The following IGF2R variants were observed in gnomAD, a reference collection of about 807,000 sequenced individuals.
IGF2R encodes the protein cation-independent mannose-6-phosphate receptor.
IGF2R carries 91 observed loss-of-function variants against 270.6 expected under a neutral mutation model. The ratio of observed to expected loss-of-function variants is 0.34; its 90% CI spans 0.28 to 0.40. IGF2R has a LOEUF of 0.40. Among genes scored for constraint, IGF2R ranks in the 10% least tolerant of loss-of-function variants. IGF2R has a pLI of 1.00. For synonymous variants in IGF2R, 1,316 were observed against 1,258.9 expected, an observed-to-expected ratio of 1.05 and a Z score of -0.96; for missense variants, 2,805 against 3,188.3, an observed-to-expected ratio of 0.88 and a Z score of 2.90.
At chr6:160,039,139 A>G (rs1777887058) in intron 10 of IGF2R, among the ~76,000 whole-genome samples, 1 of 152,224 alleles carries the variant, frequency 6.6e-6, no homozygotes, top group African/African-American at 2.4e-5. Context: ...AACATCATAG[A>G]GTGTACTTAA....
In IGF2R at chr6:160,089,116, C is replaced by A; in HGVS notation, c.6330C>A (p.Ile2110=). Residue 2110 remains isoleucine (I), a synonymous_variant, in exon 43 of 48, where the codon ATC becomes ATA. Coordinates refer to ENST00000356956, the MANE Select transcript of IGF2R (RefSeq NM_000876.4). ...GCTTCCCTCCTCCTAGGTTTGATAT[C>A]GACAGCTGCACTTACTACTTCAGCT... The part of the protein sequence containing the change: ...VGRPAFKRFD[I]DSCTYYFSWD... The A allele has an allele frequency of 6.2e-7, 1 of 1,613,146 alleles. No homozygotes were observed.
At chr6:159,983,877 A>G (rs1583241630) in intron 1 of IGF2R, among the ~76,000 whole-genome samples, 3 of 152,320 alleles carry the variant, frequency 2.0e-5, no homozygotes, top group African/African-American at 7.2e-5. Context: ...GGGACTTGAT[A>G]TTATTTCCAT....
intron 9 of IGF2R, among the ~76,000 whole-genome samples, chr6:160,033,345 C>T (rs981288347): frequency 6.6e-6 from 1 of 152,204 alleles, no homozygotes; most frequent in African/African-American, 2.4e-5. Flanking sequence ...CCATGTTGCC[C>T]ACGCTGATCT....
At chr6:159,991,113 A>T in intron 1 of IGF2R, 71 bp from the exon 2 acceptor site, 2 of 1,438,940 alleles carry the variant, frequency 1.4e-6, no homozygotes, top group East Asian at 2.3e-5. Context: ...ATGTGGCTTG[A>T]ATAAAACTAG....
chr6:160,034,435 C>T lies in IGF2R; in HGVS notation c.1228C>T (p.Leu410Phe), dbSNP rs1179906959. The change falls in exon 10 of 48, where the codon CTC becomes TTC. Residue 410 changes from leucine to phenylalanine, a missense_variant. By Grantham distance (22) the Leu-to-Phe change is conservative. Transcript: ENST00000356956. ...NQTLRYSDGD[L>F]TLIYFGGDEC... The stretch of plus-strand genomic sequence containing the variant: ...AAAATCTAGATATTCGGATGGAGAC[C>T]TCACCTTGATATATTTTGGAGGTGA... 1 of 1,601,478 alleles carries T rather than the reference C, an allele frequency of 6.2e-7. No homozygotes were observed.
chr6:160,055,026 G>A lies in IGF2R; in HGVS notation c.2695-1398G>A, dbSNP rs141174530. 1.2e-3 allele frequency among the ~76,000 whole-genome samples: 178 copies of A among 152,172 alleles called. 1 individual carries two copies. Among genetic ancestry groups the A allele is most frequent in the Middle Eastern group, 6.8e-3 (2 of 294 alleles). ...CACTTCCTTTAGAGTTGAAGATCTCGGTGATCAGGGAATGAATGACGGGCA... is the reference window on the plus strand; with the variant it reads ...CACTTCCTTTAGAGTTGAAGATCTCAGTGATCAGGGAATGAATGACGGGCA... On this transcript the variant is annotated intron_variant, in intron 19 of 47. Coordinates refer to ENST00000356956, the MANE Select transcript of IGF2R (RefSeq NM_000876.4).
chr6:160,023,022 T>C (rs911769406), intron 4 of IGF2R, among the ~76,000 whole-genome samples: 1 of 152,032 alleles, frequency 6.6e-6, no homozygotes, highest in Non-Finnish European at 1.5e-5. Flanking sequence ...TCCTTCTCAG[T>C]GTAATGGGAA....
chr6:160,102,273 G>T lies in IGF2R; in HGVS notation c.6843-246G>T, dbSNP rs903426186. 1.3e-5 allele frequency among the ~76,000 whole-genome samples: 2 copies of T among 152,224 alleles called. No individual in the cohort carries two copies. The highest frequency in any genetic ancestry group is 4.8e-5 in the African/African-American group (2 of 41,448). ...GTGTTTGGGTGAATGATAGTTCATG[G>T]AGCTGGAAGCAGTGCCTTCTTGTCT... is the stretch of plus-strand genomic sequence containing the variant. On this transcript the variant is annotated intron_variant, in intron 45 of 47. Coordinates refer to ENST00000356956, the MANE Select transcript of IGF2R (RefSeq NM_000876.4). The surrounding 1 kb of genome is among the most constrained non-coding windows in gnomAD (Gnocchi z 4.5).
At chr6:160,042,899 G>A (rs1302790099) in intron 11 of IGF2R, among the ~76,000 whole-genome samples, 1 of 152,058 alleles carries the variant, frequency 6.6e-6, no homozygotes, top group Non-Finnish European at 1.5e-5. Context: ...CTGTCCCCCA[G>A]TTGGGCCTAC....
At chr6:160,095,486 C>T (rs953918679) in intron 44 of IGF2R, 3 of 152,234 alleles carry the variant, frequency 2.0e-5, no homozygotes, top group African/African-American at 7.2e-5. Flanking sequence ...ATGAATTTTA[C>T]ACTTGGCAAA....
chr6:160,062,686 CT>C, intron 26 of IGF2R, 67 bp downstream of exon 26: 1 of 1,133,744 alleles, frequency 8.8e-7, no homozygotes, highest in Non-Finnish European at 1.3e-6. Flanking sequence ...TGAACGATGC[CT>C]TAGATATGAG....
intron 29 of IGF2R, among the ~76,000 whole-genome samples, chr6:160,066,975 A>G (rs1396546018): frequency 1.3e-5 from 2 of 152,140 alleles, no homozygotes; most frequent in Non-Finnish European, 2.9e-5. Context: ...GTCCCTTGTC[A>G]CACGTTTGGT....
At chr6:160,043,760 A>C (rs1429709798) in intron 12 of IGF2R, among the ~76,000 whole-genome samples, 1 of 152,178 alleles carries the variant, frequency 6.6e-6, no homozygotes, top group Non-Finnish European at 1.5e-5. Flanking sequence ...TCATGCAGAG[A>C]CTTCTCAATT....
At chr6:159,992,618 A>G (rs1212650414) in intron 2 of IGF2R, among the ~76,000 whole-genome samples, 2 of 152,040 alleles carry the variant, frequency 1.3e-5, no homozygotes, top group African/African-American at 4.8e-5. Flanking sequence ...ACACACACAC[A>G]CACACACACA....
In IGF2R at chr6:160,056,491, C is replaced by T. The variant is rs1391626212; in HGVS notation, c.2762C>T (p.Ala921Val). ...VVSFLWNTEA[A>V]CPIQTTTDTD... ...AGTTTCCTGTGGAACACAGAGGCTG[C>T]CTGTCCCATTCAGACAACGACGGAT... The change falls in exon 20 of 48, where the codon GCC becomes GTC. Residue 921 changes from alanine (A) to valine (V), a missense_variant. By Grantham distance (64) the Ala-to-Val change is moderately conservative. Around this residue, in one of 2 missense-constraint regions of IGF2R, gnomAD observed 1,851 missense variants for 2,207.2 expected, o/e 0.84. Transcript: ENST00000356956. 2 of 1,613,724 alleles carry T rather than the reference C, an allele frequency of 1.2e-6. No individual in the cohort carries two copies. Among genetic ancestry groups the T allele is most frequent in the African/African-American group, 1.3e-5 (1 of 74,928 alleles).
chr6:159,984,641 C>G (rs1191890607), intron 1 of IGF2R, among the ~76,000 whole-genome samples: 1 of 152,118 alleles, frequency 6.6e-6, no homozygotes, highest in East Asian at 1.9e-4. Flanking sequence ...ACCATATAGC[C>G]TAGGTTTGTA....
intron 1 of IGF2R, among the ~76,000 whole-genome samples, chr6:159,973,780 T>C (rs1783648224): frequency 6.6e-6 from 1 of 152,184 alleles, no homozygotes; most frequent in Admixed American, 6.5e-5. Flanking sequence ...CAGCATTTCA[T>C]AGAGAGAGGG....
intron 4 of IGF2R, among the ~76,000 whole-genome samples, chr6:160,015,724 C>T (rs1777275292): frequency 6.6e-6 from 1 of 152,154 alleles, no homozygotes; most frequent in South Asian, 2.1e-4. Context: ...CCCCAAATCT[C>T]ACATTGAATT....
Position 160,047,179 on chromosome 6 carries a change from T to G in IGF2R, c.2072T>G (p.Leu691Trp), listed in dbSNP as rs1562356324. The change falls in exon 16 of 48, where the codon TTG becomes TGG. Residue 691 changes from leucine to tryptophan, a missense_variant. Leu to Trp is a moderately conservative substitution (Grantham distance 61). Coordinates refer to ENST00000356956, the MANE Select transcript of IGF2R (RefSeq NM_000876.4). ...TTCAGTGATGAGAAGACTTGGAACT[T>G]GGGTCTGAGTAATGCGAAGCTTTCA... ...VAKSDEKTWN[L>W]GLSNAKLSYY... is the part of the protein sequence containing the mutation. 3 of 1,614,104 alleles carry G rather than the reference T, an allele frequency of 1.9e-6. No individual in the cohort carries two copies. The highest frequency in any genetic ancestry group is 2.5e-6 in the Non-Finnish European group (3 of 1,180,026).
Sources: allele counts gnomAD v4.1 joint callset (sites outside exome capture counted in the v4.1 genomes callset), GRCh38; gene constraint gnomAD v4.1.1; regional missense constraint gnomAD v4.1.1; non-coding constraint Gnocchi (gnomAD v3.1); transcripts MANE v1.5; gene names NCBI Gene and HGNC (gene_info 2026-07-23, HGNC 2026-07-21).